NCOR2: variants seen among roughly 807,000 people sequenced by gnomAD.
The protein encoded by NCOR2 is CTG repeat protein 26.
Under a neutral mutation model 262.9 loss-of-function variants are expected in NCOR2, and 81 were observed. The observed-to-expected ratio is 0.31, with a 90% CI of 0.26 to 0.37. NCOR2 has a LOEUF of 0.37. Ranked by LOEUF, NCOR2 falls within the 10% of genes least tolerant of loss-of-function variation. The pLI, the probability that NCOR2 is intolerant of heterozygous loss-of-function variation, is 1.00. For synonymous variants in NCOR2, 1,659 were observed against 1,559.3 expected (o/e 1.06, Z -1.51); for missense variants, 3,385 against 3,621.4 (o/e 0.93, Z 1.68).
chr12:124,411,335 G>A (rs1305274823), intron 13 of NCOR2, among the ~76,000 whole-genome samples: 1 of 152,184 alleles, frequency 6.6e-6, no homozygotes, highest in Admixed American at 6.5e-5. Flanking sequence ...AGGGGCTTGG[G>A]CAGAGCAGAC....
intron 5 of NCOR2, among the ~76,000 whole-genome samples, chr12:124,460,710 G>A (rs140015510): frequency 6.6e-6 from 1 of 152,228 alleles, no homozygotes; most frequent in Non-Finnish European, 1.5e-5. Flanking sequence ...GGAAACTGAG[G>A]CTCGGAGAGG....
Position 124,347,811 on chromosome 12 carries a change from G to C in NCOR2, c.4072+14C>G, listed in dbSNP as rs772277568. The C allele has an allele frequency of 1.9e-6, 3 of 1,557,010 alleles. No individual in the cohort carries two copies. Among genetic ancestry groups the C allele is most frequent in the African/African-American group, 2.7e-5 (2 of 73,468 alleles). On this transcript the variant is annotated intron_variant, in intron 30 of 46. Coordinates refer to ENST00000405201, the Ensembl canonical transcript of NCOR2. ...CCGTTGGGGGCAACGAGGGAGCAGG[G>C]AACAGGGCAGTACCTTGTGTGATGG...
exon 21 of NCOR2, chr12:124,363,716 T>A: frequency 7.1e-7 from 1 of 1,412,898 alleles, no homozygotes. Context: ...CTTCAGCTGC[T>A]TCAGGTCCAG....
At chr12:124,455,920 G>A (rs893272882) in intron 6 of NCOR2, among the ~76,000 whole-genome samples, 7 of 152,344 alleles carry the variant, frequency 4.6e-5, no homozygotes, top group African/African-American at 1.7e-4. Context: ...CTACTGCCCA[G>A]GCTGGAGTGC....
At chr12:124,553,070 G>A (rs879602136) in intron 1 of NCOR2, among the ~76,000 whole-genome samples, 1 of 152,228 alleles carries the variant, frequency 6.6e-6, no homozygotes, top group Non-Finnish European at 1.5e-5. Flanking sequence ...TCGGTAGGCT[G>A]CATCCAGTCT....
At position 124,335,651 on chromosome 12, in the gene NCOR2, G is replaced by A. The variant is rs1249084067; in HGVS notation, c.6116-19C>T. The A allele has an allele frequency of 1.9e-6, 3 of 1,582,818 alleles. No individual in the cohort carries two copies. The African/African-American group carries it at 4.0e-5, about 21-fold the overall frequency. ...TGGTAACCTAGGGCAGGCGGGGGGT[G>A]CAGAGTCAGGCACCGGGCCCAGGGT... On this transcript the variant is annotated intron_variant, in intron 38 of 46. Coordinates refer to ENST00000405201, the Ensembl canonical transcript of NCOR2.
Position 124,402,574 on chromosome 12 carries a change from G to A in NCOR2, c.1483-13C>T, listed in dbSNP as rs150416784. 4.6e-3 allele frequency: 7,198 copies of A among 1,552,354 alleles called. 95 individuals carry two copies. The highest frequency in any genetic ancestry group is 0.038 in the African/African-American group (2,816 of 73,168). The stretch of plus-strand genomic sequence containing the variant: ...GTTGTTGCTGCTGCTGTCAGACCCC[G>A]GGGGAGGGCAGAGGGGAGTGGGGAG... On this transcript the variant is annotated splice_polypyrimidine_tract_variant and intron_variant, in intron 13 of 46. Transcript: ENST00000405201.
At chr12:124,499,602 C>G (rs557461146), upstream of NCOR2, among the ~76,000 whole-genome samples, 2 of 152,202 alleles carry the variant, frequency 1.3e-5, no homozygotes, top group South Asian at 4.2e-4. Context: ...GGTGAGCCCC[C>G]GCCAGGCGGT....
intron 41 of NCOR2, among the ~76,000 whole-genome samples, chr12:124,333,897 C>T (rs12830547): frequency 0.46 from 56,998 of 122,676 alleles, 16,419 homozygotes; most frequent in Non-Finnish European, 0.57. Context: ...TGTGTGTGTG[C>T]GCGCGCATGT....
chr12:124,538,657 G>GC (rs2051191652), upstream of NCOR2: 1 of 153,018 alleles, frequency 6.5e-6, no homozygotes, highest in African/African-American at 2.4e-5. Context: ...ACAGCCAAGG[G>GC]AGAGGCCACT....
chr12:124,388,897 CGAGGGAGGGAGG>C (rs1186208095), intron 16 of NCOR2: 11 of 232,102 alleles, frequency 4.7e-5, no homozygotes, highest in African/African-American at 3.5e-5. Context: ...AGGGAGGGAG[CGAGGGAGGGAGG>C]GACGCGGCGG....
At chr12:124,455,230 C>T (rs376717626) in intron 6 of NCOR2, among the ~76,000 whole-genome samples, 1 of 152,302 alleles carries the variant, frequency 6.6e-6, no homozygotes, top group South Asian at 2.1e-4. Flanking sequence ...GAATGGCATG[C>T]GTGTGAATTG....
intron 1 of NCOR2, among the ~76,000 whole-genome samples, chr12:124,508,478 G>GAGCTGTAGATATCTAC (rs1246350677): frequency 2.6e-5 from 4 of 152,224 alleles, no homozygotes; most frequent in Non-Finnish European, 4.4e-5. Flanking sequence ...AGCAAGAGGA[G>GAGCTGTAGATATCTAC]AGCTGTAGAT....
upstream of NCOR2, among the ~76,000 whole-genome samples, chr12:124,499,055 T>G (rs183989290): frequency 5.3e-4 from 80 of 152,276 alleles, 1 homozygote; most frequent in East Asian, 0.015. Flanking sequence ...TGAAACTTGA[T>G]AGAGGAGGCG....
chr12:124,515,631 A>G (rs1448378952), intron 1 of NCOR2, among the ~76,000 whole-genome samples: 1 of 142,152 alleles, frequency 7.0e-6, no homozygotes, highest in Non-Finnish European at 1.5e-5. Flanking sequence ...GTGTGTGTGC[A>G]CGACTGTGAG....
In NCOR2 at chr12:124,454,047, G is replaced by A. The variant is rs1177394802; in HGVS notation, c.762+3059C>T. Reference sequence around the variant, plus strand: ...TGGCCCGGGCTTCTGGCACCCAGTTGGTAGACAGGACCCTGCAGAGGGTGC... The same window carrying A: ...TGGCCCGGGCTTCTGGCACCCAGTTAGTAGACAGGACCCTGCAGAGGGTGC... On this transcript the variant is annotated intron_variant, in intron 6 of 46. Coordinates refer to ENST00000405201, the Ensembl canonical transcript of NCOR2. This position sits in a 1 kb window ranked among gnomAD's most constrained non-coding sequence, Gnocchi z 5.6. 6.6e-6 allele frequency among the ~76,000 whole-genome samples: 1 copy of A among 152,240 alleles called. No homozygotes were observed. The highest frequency in any genetic ancestry group is 1.9e-4 in the East Asian group (1 of 5,194).
intron 16 of NCOR2, among the ~76,000 whole-genome samples, chr12:124,396,367 A>C (rs2041655495): frequency 6.6e-6 from 1 of 152,222 alleles, no homozygotes; most frequent in South Asian, 2.1e-4. Context: ...AAATTAAATA[A>C]AAGGCGGCGG....
chr12:124,555,246 C>T (rs2051844816), intron 1 of NCOR2, among the ~76,000 whole-genome samples: 1 of 152,208 alleles, frequency 6.6e-6, no homozygotes, highest in Admixed American at 6.5e-5. Context: ...AGGGCCCTCT[C>T]TGGAGCACCC....
At position 124,517,252 on chromosome 12, in the gene NCOR2, C is replaced by A. The variant is rs1372937581; in HGVS notation, c.-118+18313G>T. Among the ~76,000 whole-genome samples, 1 of 152,158 alleles carries A rather than the reference C, an allele frequency of 6.6e-6. No individual in the cohort carries two copies. The highest frequency in any genetic ancestry group is 1.5e-5 in the Non-Finnish European group (1 of 68,022). ...GGAGCAACATTGCCTGGAAGCCCAGCCCCCTCCCTTCCCCAGCCTGGGCTC... is the reference window on the plus strand; with the variant it reads ...GGAGCAACATTGCCTGGAAGCCCAGACCCCTCCCTTCCCCAGCCTGGGCTC... On this transcript the variant is annotated intron_variant, in intron 1 of 46. Transcript: ENST00000404621. The surrounding 1 kb of genome is among the most constrained non-coding windows in gnomAD (Gnocchi z 7.6).
Sources: gnomAD v4.1 joint callset for allele counts (sites outside exome capture counted in the v4.1 genomes callset) on GRCh38, gnomAD v4.1.1 for gene constraint, Gnocchi (gnomAD v3.1) non-coding constraint, MANE v1.5 for transcripts, NCBI Gene and HGNC (gene_info 2026-07-23, HGNC 2026-07-21) for gene names.